APP: variants seen among roughly 807,000 people sequenced by gnomAD.
The protein encoded by APP is amyloid beta precursor protein.
In APP, 31 loss-of-function variants were observed where a neutral mutation model predicts 101.4. The ratio of observed to expected loss-of-function variants is 0.31; its 90% CI spans 0.23 to 0.41. The LOEUF is 0.41. Ranked by LOEUF, APP falls within the 10% of genes least tolerant of loss-of-function variation. APP has a pLI of 1.00. For synonymous variants in APP, 366 were observed against 364.4 expected (o/e 1.00, Z -0.05); for missense variants, 839 against 1,003.7 (o/e 0.84, Z 2.22).
chr21:26,033,338 G>A (rs2044929353), intron 5 of APP, among the ~76,000 whole-genome samples: 1 of 152,148 alleles, frequency 6.6e-6, no homozygotes, highest in Non-Finnish European at 1.5e-5. Flanking sequence ...CTTTCCTGCC[G>A]CCTTATGAAG....
At chr21:25,905,238 T>A (rs1368850670) in intron 14 of APP, among the ~76,000 whole-genome samples, 161 bp from the exon 15 acceptor site, 3 of 152,116 alleles carry the variant, frequency 2.0e-5, no homozygotes, top group Non-Finnish European at 4.4e-5. Context: ...ATCCCGAGCA[T>A]CGAGGACCAG....
chr21:25,923,321 C>G (rs1382659295), intron 13 of APP, among the ~76,000 whole-genome samples: 1 of 147,564 alleles, frequency 6.8e-6, no homozygotes, highest in Non-Finnish European at 1.5e-5. Flanking sequence ...TAGGCGTGGG[C>G]AAGGACTTCA....
At chr21:25,927,168 C>T (rs112503707) in intron 13 of APP, among the ~76,000 whole-genome samples, 3 of 152,132 alleles carry the variant, frequency 2.0e-5, no homozygotes, top group Admixed American at 1.3e-4. Flanking sequence ...TCCAAGGTCA[C>T]GGAGATTCCT....
intron 1 of APP, among the ~76,000 whole-genome samples, chr21:26,160,006 T>C (rs765363797): frequency 2.0e-5 from 3 of 152,168 alleles, no homozygotes; most frequent in East Asian, 1.9e-4. Context: ...CAACATTCAT[T>C]ATGTTTGTCC....
At chr21:26,126,568 G>A (rs1054282392) in intron 1 of APP, among the ~76,000 whole-genome samples, 1 of 151,982 alleles carries the variant, frequency 6.6e-6, no homozygotes, top group African/African-American at 2.4e-5. Flanking sequence ...CCTATGAACT[G>A]TTTCTAGGTA....
intron 11 of APP, among the ~76,000 whole-genome samples, chr21:25,960,930 G>A (rs114699586): frequency 0.034 from 5,222 of 152,162 alleles, 286 homozygotes; most frequent in African/African-American, 0.12. Context: ...TTTGTTGGAC[G>A]GTAGGCAAAT....
At chr21:25,948,915 T>A (rs2040945419) in intron 13 of APP, among the ~76,000 whole-genome samples, 1 of 152,126 alleles carries the variant, frequency 6.6e-6, no homozygotes, top group African/African-American at 2.4e-5. Context: ...TAAAGCAGAA[T>A]ATGAACACTG....
chr21:25,974,468 G>T (rs1469270867), intron 11 of APP, among the ~76,000 whole-genome samples: 7 of 152,132 alleles, frequency 4.6e-5, no homozygotes. Flanking sequence ...CCTTATAAAA[G>T]AGGGCCCAGA....
At chr21:25,893,315 G>T (rs1231705895) in intron 16 of APP, among the ~76,000 whole-genome samples, 1 of 152,116 alleles carries the variant, frequency 6.6e-6, no homozygotes, top group East Asian at 1.9e-4. Context: ...CCCTACAGTG[G>T]CCTCTTAAGT....
At chr21:25,913,266 T>C (rs1196296596) in intron 13 of APP, among the ~76,000 whole-genome samples, 2 of 152,242 alleles carry the variant, frequency 1.3e-5, no homozygotes, top group East Asian at 1.9e-4. Context: ...GTCAGTTTTA[T>C]TGCAAGTGAT....
At chr21:25,904,856 G>A (rs948859783) in intron 15 of APP, among the ~76,000 whole-genome samples, 168 bp downstream of exon 15, 2 of 152,300 alleles carry the variant, frequency 1.3e-5, no homozygotes, top group South Asian at 4.1e-4. Flanking sequence ...GAAATGAAGA[G>A]TAAGGAATAG....
chr21:26,002,574 A>C (rs912338637), intron 6 of APP, among the ~76,000 whole-genome samples: 1 of 152,224 alleles, frequency 6.6e-6, no homozygotes, highest in Non-Finnish European at 1.5e-5. Context: ...TTACTCAGGC[A>C]GTGTTAATTC....
intron 13 of APP, chr21:25,945,838 G>A (rs1289446604): frequency 6.6e-6 from 3 of 451,358 alleles, no homozygotes; most frequent in African/African-American, 2.0e-5. Context: ...ACAAATAGAT[G>A]TTATCATGCC....
intron 13 of APP, among the ~76,000 whole-genome samples, chr21:25,927,907 C>T (rs147498079): frequency 6.6e-5 from 10 of 152,314 alleles, no homozygotes; most frequent in African/African-American, 2.4e-4. Flanking sequence ...ACCAGCCAGG[C>T]TCCCTGGCAT....
At chr21:25,938,207 A>G (rs946058410) in intron 13 of APP, among the ~76,000 whole-genome samples, 1 of 152,222 alleles carries the variant, frequency 6.6e-6, no homozygotes, top group Admixed American at 6.5e-5. Context: ...CCACACCCAA[A>G]TAAACTCTCT....
intron 5 of APP, among the ~76,000 whole-genome samples, chr21:26,023,169 C>A (rs1209547881): frequency 2.6e-5 from 4 of 152,108 alleles, no homozygotes; most frequent in Admixed American, 2.0e-4. Flanking sequence ...TTGTAGAAAA[C>A]CAAATATTTC....
At chr21:25,945,920 C>A (rs1242407049) in intron 13 of APP, 1 of 455,728 alleles carries the variant, frequency 2.2e-6, no homozygotes, top group Non-Finnish European at 4.4e-6. Flanking sequence ...GGGCTCAAGT[C>A]ATCTGCCCAC....
At chr21:25,960,606 C>T (rs917010714) in intron 11 of APP, among the ~76,000 whole-genome samples, 1 of 152,060 alleles carries the variant, frequency 6.6e-6, no homozygotes, top group African/African-American at 2.4e-5. Context: ...TTTGGCCTGC[C>T]ACAATAACAG....
At chr21:25,998,488 C>T (rs1417133161) in intron 7 of APP, among the ~76,000 whole-genome samples, 1 of 151,950 alleles carries the variant, frequency 6.6e-6, no homozygotes, top group African/African-American at 2.4e-5. Flanking sequence ...TGGCAGGAGA[C>T]CAACAGGAGC....
Sources: gnomAD v4.1 joint callset for allele counts (sites outside exome capture counted in the v4.1 genomes callset) on GRCh38, gnomAD v4.1.1 for gene constraint, MANE v1.5 for transcripts, NCBI Gene and HGNC (gene_info 2026-07-23, HGNC 2026-07-21) for gene names.